Variants in RYR2 observed in about 807,000 individuals in gnomAD.
RYR2 encodes ryanodine receptor 2.
RYR2 carries 227 observed loss-of-function variants against 601.1 expected under a neutral mutation model. The ratio of observed to expected loss-of-function variants is 0.38; its 90% confidence interval spans 0.34 to 0.42. RYR2 has a LOEUF of 0.42. RYR2 is among the 10% of genes least tolerant of loss of function. The probability of loss-of-function intolerance (pLI) is 1.00; values close to 1 mark genes in which losing one functional copy is unlikely to be tolerated. For synonymous variants in RYR2, 2,223 were observed against 2,175.1 expected, an observed-to-expected ratio of 1.02 and a Z score of -0.61; for missense variants, 4,646 against 6,156.5, an observed-to-expected ratio of 0.75 and a Z score of 8.21.
rs1049671841 is a variant in RYR2 at position 237,755,180 on chromosome 1, G to A, written c.11146-1108G>A. On this transcript the variant is annotated intron_variant, in intron 80 of 104. Transcript: ENST00000366574. Reference sequence around the variant, plus strand: ...TAAAGGTTTCTTTTTTCATTTGTTTGAGCCCATTTCTTTTCCCCCTCCTTT... The same window carrying A: ...TAAAGGTTTCTTTTTTCATTTGTTTAAGCCCATTTCTTTTCCCCCTCCTTT... 26 of 1,042,768 alleles carry A rather than the reference G, an allele frequency of 2.5e-5. No homozygotes were observed. In the African/African-American group the frequency reaches 3.9e-4, roughly 16 times the overall value. 64.6% of individuals were successfully genotyped at this position (1,042,768 alleles called of 1,614,324 possible). A position where few individuals can be genotyped will look rare whatever the true frequency, so the allele number is the denominator to read the frequency against.
intron 1 of RYR2, among the ~76,000 whole-genome samples, chr1:237,116,785 G>A (rs1176347525): frequency 2.6e-5 from 4 of 152,064 alleles, no homozygotes; most frequent in Admixed American, 6.6e-5. Flanking sequence ...CTCAAGCAGT[G>A]AGGCAGAGAA....
At chr1:237,685,039 T>C (rs2148958230) in intron 62 of RYR2, among the ~76,000 whole-genome samples, 1 of 151,968 alleles carries the variant, frequency 6.6e-6, no homozygotes, top group Middle Eastern at 3.4e-3. Context: ...AAAGAAAAGG[T>C]TATTATCTTT....
intron 1 of RYR2, among the ~76,000 whole-genome samples, chr1:237,208,936 G>GTATATA (rs56133827): frequency 1.1e-4 from 10 of 89,844 alleles, no homozygotes; most frequent in African/African-American, 2.6e-4. Flanking sequence ...ATGTGTGTGT[G>GTATATA]TATATATATA....
At chr1:237,167,905 T>C (rs1393523031) in intron 1 of RYR2, among the ~76,000 whole-genome samples, 1 of 152,128 alleles carries the variant, frequency 6.6e-6, no homozygotes, top group Non-Finnish European at 1.5e-5. Context: ...AGTAGAGTTA[T>C]GTGAAGTCAG....
chr1:237,510,328 T>A (rs1665759445), intron 23 of RYR2, among the ~76,000 whole-genome samples: 1 of 152,182 alleles, frequency 6.6e-6, no homozygotes, highest in Non-Finnish European at 1.5e-5. Context: ...GAGAAGATGA[T>A]GGTGTTGGTT....
At chr1:237,067,382 C>T (rs1190905865) in intron 1 of RYR2, among the ~76,000 whole-genome samples, 1 of 152,142 alleles carries the variant, frequency 6.6e-6, no homozygotes, top group Non-Finnish European at 1.5e-5. Context: ...ATTCCAGCAG[C>T]ATTTGTTGAA....
At chr1:237,375,059 G>T (rs1700914471) in intron 7 of RYR2, among the ~76,000 whole-genome samples, 1 of 152,110 alleles carries the variant, frequency 6.6e-6, no homozygotes, top group African/African-American at 2.4e-5. Context: ...TTTACTACAT[G>T]ATTTACTGGG....
intron 25 of RYR2, among the ~76,000 whole-genome samples, chr1:237,537,889 A>G (rs542577899): frequency 6.6e-6 from 1 of 152,306 alleles, no homozygotes; most frequent in South Asian, 2.1e-4. Flanking sequence ...TCAGAGTAAT[A>G]ATTCTCTCTG....
chr1:237,520,531 C>T (rs1411977016), intron 24 of RYR2, among the ~76,000 whole-genome samples: 1 of 152,098 alleles, frequency 6.6e-6, no homozygotes, highest in Admixed American at 6.5e-5. Context: ...TGAATTTTAT[C>T]AAATGCTTTT....
intron 33 of RYR2, among the ~76,000 whole-genome samples, chr1:237,594,898 T>TTTTTTTTTTTG (rs1675670825): frequency 4.8e-5 from 1 of 20,670 alleles, no homozygotes; most frequent in Non-Finnish European, 2.7e-4. Context: ...TTTTTTTTTT[T>TTTTTTTTTTTG]TTTTTTTTTT....
At chr1:237,443,021 G>A (rs1011907529) in intron 13 of RYR2, among the ~76,000 whole-genome samples, 2 of 152,008 alleles carry the variant, frequency 1.3e-5, no homozygotes, top group South Asian at 2.1e-4. Context: ...TCCTGTTTTC[G>A]TGCCATTTTA....
chr1:237,113,819 C>A (rs1304585998), intron 1 of RYR2, among the ~76,000 whole-genome samples: 1 of 152,182 alleles, frequency 6.6e-6, no homozygotes, highest in Non-Finnish European at 1.5e-5. Context: ...ATTTAAACAT[C>A]TCTGAGTGCA....
chr1:237,398,974 A>G (rs532404732), intron 10 of RYR2, among the ~76,000 whole-genome samples: 127 of 152,286 alleles, frequency 8.3e-4, no homozygotes, highest in African/African-American at 2.9e-3. Context: ...TCGGTGAATC[A>G]CTTGAGGTCA....
At chr1:237,169,088 T>G (rs534203449) in intron 1 of RYR2, among the ~76,000 whole-genome samples, 1 of 152,332 alleles carries the variant, frequency 6.6e-6, no homozygotes, top group African/African-American at 2.4e-5. Context: ...TTATTTCACT[T>G]TTTAAAAATA....
chr1:237,201,136 C>T lies in RYR2; in HGVS notation c.49-69361C>T, dbSNP rs149327079. ...TGAGTTCTGATTTTAAAATAAGCCT[C>T]ATTTAGCCAAGAATTGACAATGACT... On this transcript the variant is annotated intron_variant, in intron 1 of 104. Transcript: ENST00000366574. Among the ~76,000 whole-genome samples the T allele has an allele frequency of 4.1e-3, 622 of 152,288 alleles. 5 individuals carry two copies. The highest frequency in any genetic ancestry group is 0.014 in the African/African-American group (570 of 41,570).
At chr1:237,719,560 C>CTTAAACAGCCAGATCTCACGAGAA (rs1558283627) in intron 73 of RYR2, among the ~76,000 whole-genome samples, 2 of 152,112 alleles carry the variant, frequency 1.3e-5, no homozygotes, top group African/African-American at 2.4e-5. Context: ...GTGCCACACA[C>CTTAAACAGCCAGATCTCACGAGAA]TTAAACAGCC....
chr1:237,541,216 T>A (rs999683885), intron 25 of RYR2, among the ~76,000 whole-genome samples: 3 of 152,202 alleles, frequency 2.0e-5, no homozygotes, highest in Non-Finnish European at 4.4e-5. Flanking sequence ...ATGTGCCGTG[T>A]TCTTCATTTT....
At chr1:237,728,759 G>T (rs942190690) in intron 76 of RYR2, among the ~76,000 whole-genome samples, 1 of 134,040 alleles carries the variant, frequency 7.5e-6, no homozygotes, top group Non-Finnish European at 1.6e-5. Context: ...ACAGGGAGGG[G>T]AACATCACAC....
At chr1:237,619,480 A>C (rs1678837807) in intron 38 of RYR2, among the ~76,000 whole-genome samples, 1 of 152,224 alleles carries the variant, frequency 6.6e-6, no homozygotes, top group African/African-American at 2.4e-5. Flanking sequence ...CATCTGAAGA[A>C]AAGATGAAGA....
Sources: gnomAD v4.1 joint callset for allele counts (sites outside exome capture counted in the v4.1 genomes callset) on GRCh38, gnomAD v4.1.1 for gene constraint, MANE v1.5 for transcripts, NCBI Gene and HGNC (gene_info 2026-07-23, HGNC 2026-07-21) for gene names.